C11orf65: variants seen among roughly 807,000 people sequenced by gnomAD.
C11orf65 encodes protein MFI.
C11orf65 carries 38 observed loss-of-function variants against 35.3 expected under a neutral mutation model. That is an observed-to-expected ratio of 1.08 (90% CI 0.83 to 1.41). The LOEUF is 1.41. Ranked by LOEUF, C11orf65 falls within the 40% of genes most tolerant of loss-of-function variation. C11orf65 has a pLI of 0.00. For missense variants in C11orf65, 370 were observed against 367.1 expected (o/e 1.01, Z -0.06); for synonymous variants, 105 against 114.4 (o/e 0.92, Z 0.53).
chr11:108,320,819 A>T (rs1591104209), intron 6 of C11orf65, among the ~76,000 whole-genome samples: 1 of 152,246 alleles, frequency 6.6e-6, no homozygotes, highest in Non-Finnish European at 1.5e-5. Flanking sequence ...TTAACTACTA[A>T]TAGCTTACTG....
At position 108,408,693 on chromosome 11, in the gene C11orf65, T is replaced by C. The variant is rs192594784; in HGVS notation, c.175-1544A>G. On this transcript the variant is annotated intron_variant, in intron 3 of 8. Transcript: ENST00000393084. ...TCTCAATAAATAAAATAAAATAAAA[T>C]AAAATAAAATAAAATAAAATAAAAT... 1.5e-3 allele frequency among the ~76,000 whole-genome samples: 153 copies of C among 98,780 alleles called. 2 individuals carry two copies. The highest frequency in any genetic ancestry group is 6.7e-3 in the African/African-American group (142 of 21,104). 64.8% of individuals were successfully genotyped at this position (98,780 alleles called of 152,430 possible).
Position 108,338,960 on chromosome 11 carries a change from T to G in C11orf65, c.227-3668A>C, listed in dbSNP as rs184252664. 4.2e-3 allele frequency among the ~76,000 whole-genome samples: 638 copies of G among 152,292 alleles called. 3 individuals are homozygous for G. Among genetic ancestry groups the G allele is most frequent in the Non-Finnish European group, 7.3e-3 (494 of 68,018 alleles). On this transcript the variant is annotated intron_variant, in intron 2 of 3. Transcript: ENST00000524755. The stretch of plus-strand genomic sequence containing the variant: ...CTGAGATTCAGGTCTTCTGTGGTCA[T>G]TGTGTCAACAAGAGCATACATTGAC...
intron 6 of C11orf65, 37 bp from the exon 7 acceptor site, chr11:108,393,415 G>A (rs780275752): frequency 1.5e-5 from 24 of 1,560,760 alleles, no homozygotes; most frequent in Non-Finnish European, 2.1e-5. Context: ...TAAATCTTTT[G>A]AAATAGGAGA....
chr11:108,405,654 T>C (rs142964668), intron 5 of C11orf65, 95 bp from the exon 6 acceptor site: 5 of 1,234,532 alleles, frequency 4.1e-6, no homozygotes, highest in Non-Finnish European at 5.8e-6. Flanking sequence ...TCAGTAGGAA[T>C]ATGGCAAGAT....
At chr11:108,357,560 A>G (rs540404694) in intron 2 of C11orf65, among the ~76,000 whole-genome samples, 35 of 152,352 alleles carry the variant, frequency 2.3e-4, no homozygotes, top group South Asian at 1.4e-3. Flanking sequence ...ACAGCTTTGA[A>G]GAGAGTAGTG....
intron 2 of C11orf65, chr11:108,366,339 T>C (rs1460137110): frequency 4.7e-6 from 1 of 212,678 alleles, no homozygotes; most frequent in East Asian, 7.1e-5. Context: ...GAAATTGTTT[T>C]TCATTTCTAA....
intron 6 of C11orf65, among the ~76,000 whole-genome samples, chr11:108,403,603 TTCTC>T (rs2092483441): frequency 6.6e-6 from 1 of 152,152 alleles, no homozygotes; most frequent in Non-Finnish European, 1.5e-5. Flanking sequence ...CACTAAGATT[TTCTC>T]CTTCAATTAC....
chr11:108,466,054 T>G (rs1488666208), intron 1 of C11orf65, among the ~76,000 whole-genome samples: 1 of 148,154 alleles, frequency 6.7e-6, no homozygotes, highest in Non-Finnish European at 1.5e-5. Flanking sequence ...TACCATCCAG[T>G]AGTGAGGGAG....
downstream of C11orf65, among the ~76,000 whole-genome samples, chr11:108,379,425 A>G (rs1226824654): frequency 2.3e-4 from 32 of 141,864 alleles, no homozygotes; most frequent in Admixed American, 1.8e-3. Context: ...GAATTGAACA[A>G]TGAGAACACA....
Position 108,332,949 on chromosome 11 carries a change from C to G in C11orf65, c.300-1382G>C, listed in dbSNP as rs2136578858. 3 of 1,581,246 alleles carry G rather than the reference C, an allele frequency of 1.9e-6. No homozygotes were observed. In the East Asian group the frequency reaches 6.7e-5, roughly 35 times the overall value. On this transcript the variant is annotated intron_variant, in intron 3 of 3. Transcript: ENST00000524755. Reference sequence around the variant, plus strand: ...CGTTACTTTCTTGCTGTGTTACTCTCTGTAGAGATATATTAGTTATAGAGC... The same window carrying G: ...CGTTACTTTCTTGCTGTGTTACTCTGTGTAGAGATATATTAGTTATAGAGC...
intron 6 of C11orf65, among the ~76,000 whole-genome samples, chr11:108,397,474 CAGAG>C (rs1283486322): frequency 6.6e-6 from 1 of 151,832 alleles, no homozygotes; most frequent in South Asian, 2.1e-4. Context: ...AATGTCACAA[CAGAG>C]AGAGAAGTTA....
At chr11:108,310,475 A>C (rs907686411) in intron 6 of C11orf65, among the ~76,000 whole-genome samples, 2 of 152,156 alleles carry the variant, frequency 1.3e-5, no homozygotes, top group African/African-American at 4.8e-5. Flanking sequence ...TTTAAAAAGG[A>C]ATATGTAATT....
intron 2 of C11orf65, among the ~76,000 whole-genome samples, chr11:108,446,873 G>A (rs1184481636): frequency 1.3e-5 from 2 of 152,134 alleles, no homozygotes; most frequent in Non-Finnish European, 2.9e-5. Flanking sequence ...TCAGTGTGCT[G>A]TATTCAGGAA....
chr11:108,415,306 C>T (rs553422934), intron 3 of C11orf65, among the ~76,000 whole-genome samples: 1 of 151,988 alleles, frequency 6.6e-6, no homozygotes, highest in Non-Finnish European at 1.5e-5. Flanking sequence ...TTATTATATA[C>T]CAGCAATAAG....
At chr11:108,414,953 T>C (rs1296824074) in intron 3 of C11orf65, among the ~76,000 whole-genome samples, 2 of 152,084 alleles carry the variant, frequency 1.3e-5, no homozygotes, top group Non-Finnish European at 2.9e-5. Context: ...TTAGCAGATG[T>C]AGAAAAAGCA....
intron 2 of C11orf65, among the ~76,000 whole-genome samples, chr11:108,360,445 A>T (rs1235667836): frequency 5.7e-4 from 76 of 133,160 alleles, no homozygotes; most frequent in African/African-American, 2.1e-3. Flanking sequence ...AACTCATTTT[A>T]TGAGGCCAGC....
intron 3 of C11orf65, among the ~76,000 whole-genome samples, chr11:108,427,327 T>G (rs928168312): frequency 1.5e-5 from 2 of 135,366 alleles, no homozygotes; most frequent in African/African-American, 2.8e-5. Context: ...ATAAGGAACT[T>G]AAACAAATTT....
intron 2 of C11orf65, among the ~76,000 whole-genome samples, chr11:108,448,490 G>C (rs185586682): frequency 0.011 from 1,653 of 152,110 alleles, 13 homozygotes; most frequent in Non-Finnish European, 0.017. Context: ...ATATGCAAAT[G>C]AATAAATGTA....
chr11:108,317,618 TA>T (rs2084819895), intron 6 of C11orf65: 2 of 26,754 alleles, frequency 7.5e-5, no homozygotes, highest in African/African-American at 1.2e-4. Context: ...AGTTGTTTTA[TA>T]TATATATATA....
Sources: allele counts gnomAD v4.1 joint callset (sites outside exome capture counted in the v4.1 genomes callset), GRCh38; gene constraint gnomAD v4.1.1; transcripts MANE v1.5; gene names NCBI Gene and HGNC (gene_info 2026-07-23, HGNC 2026-07-21).